TUBGCP6: variants seen among roughly 807,000 people sequenced by gnomAD.
TUBGCP6 encodes the protein tubulin gamma complex component 6.
In TUBGCP6, 161 loss-of-function variants were observed where a neutral mutation model predicts 175.8. The ratio of observed to expected loss-of-function variants is 0.92; its 90% CI spans 0.81 to 1.04. The LOEUF (loss-of-function observed/expected upper bound fraction) is 1.04. Among genes scored for constraint, TUBGCP6 ranks in the 50% least tolerant of loss-of-function variants. TUBGCP6 has a pLI of 0.00. For synonymous variants in TUBGCP6, 1,173 were observed against 1,030.5 expected (o/e 1.14, Z -2.65); for missense variants, 2,572 against 2,433.0 (o/e 1.06, Z -1.20).
At chr22:50,229,372 GGT>G (rs992397278) in intron 4 of TUBGCP6, 30 bp downstream of exon 4, 3 of 1,606,136 alleles carry the variant, frequency 1.9e-6, no homozygotes, top group East Asian at 2.2e-5. Flanking sequence ...TTCTCACAAA[GGT>G]GTGTGACAAC....
intron 2 of TUBGCP6, among the ~76,000 whole-genome samples, chr22:50,234,507 G>GTCCACAGCAGCATCCACACCCAGT (rs2064740353): frequency 8.7e-6 from 1 of 114,822 alleles, no homozygotes; most frequent in Non-Finnish European, 1.7e-5. Context: ...CCACACCCCT[G>GTCCACAGCAGCATCCACACCCAGT]TCCACAGCAG....
Position 50,244,223 on chromosome 22 carries a change from C to T in TUBGCP6, c.237G>A (p.Val79=), listed in dbSNP as rs779932074. Residue 79 remains valine (V), a synonymous_variant, in exon 1 of 25, where the codon GTG becomes GTA. Transcript: ENST00000248846. ...GGTCGGCCTTGGGGCCCAGGCCACC[C>T]ACTCTCAAGTCAAAGGACAACATGA... is the stretch of plus-strand genomic sequence containing the variant. ...KILMLSFDLR[V]GGLGPKADRL... is the part of the protein sequence containing the mutation. 4 of 1,613,300 alleles carry T rather than the reference C, an allele frequency of 2.5e-6. No individual in the cohort carries two copies. The highest frequency in any genetic ancestry group is 3.4e-6 in the Non-Finnish European group (4 of 1,180,046).
In TUBGCP6 at chr22:50,219,796, C is replaced by A. The variant is rs769874492; in HGVS notation, c.4168-5G>T. 6.2e-7 allele frequency: 1 copy of A among 1,612,022 alleles called. No individual in the cohort carries two copies. The highest frequency in any genetic ancestry group is 1.1e-5 in the South Asian group (1 of 91,038). On this transcript the variant is annotated splice_polypyrimidine_tract_variant and splice_region_variant and intron_variant, in intron 17 of 24. Coordinates refer to ENST00000248846, the MANE Select transcript of TUBGCP6 (RefSeq NM_020461.4). ...GCTCTGGGCAGCTGTGTCTTCCTAACAAAACACCAGCCTCAGAACCACCTC... is the reference window on the plus strand; with the variant it reads ...GCTCTGGGCAGCTGTGTCTTCCTAAAAAAACACCAGCCTCAGAACCACCTC...
At chr22:50,230,671 G>A (rs2064675936) in intron 3 of TUBGCP6, among the ~76,000 whole-genome samples, 1 of 151,008 alleles carries the variant, frequency 6.6e-6, no homozygotes, top group African/African-American at 2.4e-5. Context: ...CCAGCTACTC[G>A]GGAGGCTGAG....
Position 50,244,723 on chromosome 22 carries a change from A to G in TUBGCP6, c.-264T>C. On this transcript the variant is annotated 5_prime_UTR_variant, in exon 1 of 25. Coordinates refer to ENST00000248846, the MANE Select transcript of TUBGCP6 (RefSeq NM_020461.4). ...AGAAGCCAGCTCGGCGTTTCTTCTA[A>G]TTCAGTAGCCCTCAACCTTTAGGGA... 2.0e-6 allele frequency: 1 copy of G among 510,380 alleles called. No individual in the cohort carries two copies. Among genetic ancestry groups the G allele is most frequent in the South Asian group, 2.5e-5 (1 of 39,870 alleles). 31.6% of individuals were successfully genotyped at this position (510,380 alleles called of 1,614,324 possible).
At chr22:50,229,379 G>T in intron 4 of TUBGCP6, 25 bp downstream of exon 4, 1 of 1,608,648 alleles carries the variant, frequency 6.2e-7, no homozygotes, top group South Asian at 1.1e-5. Flanking sequence ...AAAGGTGTGT[G>T]ACAACCATGA....
In TUBGCP6 at chr22:50,221,266, C is replaced by T; in HGVS notation, c.3093G>A (p.Gly1031=). 1.2e-6 allele frequency: 2 copies of T among 1,614,060 alleles called. No homozygotes were observed. The highest frequency in any genetic ancestry group is 1.7e-6 in the Non-Finnish European group (2 of 1,180,044). ...PTERLFGQVS[G]GGLPTGDYAS... ...CGTAGTCCCCTGTGGGAAGACCACCCCCTGACACCTGCCCAAAGAGCCGCT... is the reference window on the plus strand; with the variant it reads ...CGTAGTCCCCTGTGGGAAGACCACCTCCTGACACCTGCCCAAAGAGCCGCT... Residue 1031 remains glycine, a synonymous_variant, in exon 16 of 25, where the codon GGG becomes GGA. Transcript: ENST00000248846.
At chr22:50,218,467 C>T (rs769471455) in intron 22 of TUBGCP6, 21 bp downstream of exon 22, 19 of 1,612,992 alleles carry the variant, frequency 1.2e-5, no homozygotes, top group Admixed American at 1.2e-4. Context: ...TGCGGGGCGC[C>T]GGGCTCCAGC....
At chr22:50,241,439 C>T (rs1265601878) in intron 1 of TUBGCP6, among the ~76,000 whole-genome samples, 1 of 152,110 alleles carries the variant, frequency 6.6e-6, no homozygotes, top group Non-Finnish European at 1.5e-5. Context: ...TTAGAGAAGA[C>T]TCTGCTCCAC....
At chr22:50,222,347 C>T in intron 14 of TUBGCP6, 107 bp downstream of exon 14, 1 of 1,516,370 alleles carries the variant, frequency 6.6e-7, no homozygotes, top group Non-Finnish European at 8.9e-7. Flanking sequence ...AACGCGAAAG[C>T]CACCAGCCCT....
intron 16 of TUBGCP6, 38 bp from the exon 17 acceptor site, chr22:50,220,053 G>C (rs569088837): frequency 7.5e-6 from 12 of 1,607,094 alleles, no homozygotes; most frequent in African/African-American, 1.3e-5. Flanking sequence ...CATCAGGGCC[G>C]AGTGCCTGTG....
At chr22:50,222,726 G>A in intron 13 of TUBGCP6, 134 bp from the exon 14 acceptor site, 2 of 1,302,086 alleles carry the variant, frequency 1.5e-6, no homozygotes, top group Non-Finnish European at 2.1e-6. Flanking sequence ...CCTACCAGGG[G>A]CTGATAGCTC....
rs777039746 is a variant in TUBGCP6 at position 50,220,406 on chromosome 22, CCACAGTCCAG to C, written c.3943_3952del (p.Leu1315GlyfsTer6). 1 of 1,583,868 alleles carries C rather than the reference CCACAGTCCAG, an allele frequency of 6.3e-7. No individual in the cohort carries two copies. Among genetic ancestry groups the C allele is most frequent in the Non-Finnish European group, 8.6e-7 (1 of 1,161,288 alleles). On this transcript the variant is annotated frameshift_variant, in exon 16 of 25. Coordinates refer to ENST00000248846, the MANE Select transcript of TUBGCP6 (RefSeq NM_020461.4). LOFTEE classifies it high-confidence loss of function. ...CCCCACTTCTACAGGCAGCCGTGGC[CCACAGTCCAG>C]CACAGTGCTCTGTGCTCCCAGGCTG...
chr22:50,228,943 TG>T (rs1213401299), intron 4 of TUBGCP6, among the ~76,000 whole-genome samples: 3 of 152,126 alleles, frequency 2.0e-5, no homozygotes, highest in Non-Finnish European at 4.4e-5. Context: ...CCCTGTCCCA[TG>T]GGCCTCTTCC....
In TUBGCP6 at chr22:50,219,291, G is replaced by C; in HGVS notation, c.4481C>G (p.Ala1494Gly). The C allele has an allele frequency of 6.2e-7, 1 of 1,604,104 alleles. No individual in the cohort carries two copies. The highest frequency in any genetic ancestry group is 8.5e-7 in the Non-Finnish European group (1 of 1,176,586). ...MKRSITAPLA[A>G]HISLVNKAAV... Reference sequence around the variant, plus strand: ...GCGCAGGGGCAGGGGCACTCACTGGGCGGCCAGCGGTGCCGTGATGGAGCG... The same window carrying C: ...GCGCAGGGGCAGGGGCACTCACTGGCCGGCCAGCGGTGCCGTGATGGAGCG... The change falls in exon 19 of 25, where the codon GCC (alanine) becomes GGC (glycine). Residue 1494 changes from alanine to glycine, a missense_variant. Transcript: ENST00000248846.
intron 10 of TUBGCP6, among the ~76,000 whole-genome samples, chr22:50,225,487 G>A (rs2064591784): frequency 2.0e-5 from 3 of 152,262 alleles, no homozygotes; most frequent in South Asian, 4.1e-4. Flanking sequence ...TCCCACGCCA[G>A]CAAAGCCTGG....
Position 50,233,375 on chromosome 22 carries a change from C to G in TUBGCP6, c.1057G>C (p.Val353Leu). The G allele has an allele frequency of 6.2e-7, 1 of 1,614,060 alleles. No individual in the cohort carries two copies. Among genetic ancestry groups the G allele is most frequent in the South Asian group, 1.1e-5 (1 of 91,076 alleles). ...QPVLVKECEL[V>L]KDVLNVLIGV... is the part of the protein sequence containing the mutation. ...ATCAAGACGTTCAGCACGTCTTTCA[C>G]CAGCTCGCACTCCTTCACCAGCACG... Residue 353 changes from valine to leucine, a missense_variant, in exon 3 of 25, where the codon GTG becomes CTG. Physicochemically the swap from Val to Leu is conservative, Grantham distance 32. Transcript: ENST00000248846.
rs1373711628 is a variant in TUBGCP6 at position 50,220,027 on chromosome 22, C to G, written c.4109-12G>C. Reference sequence around the variant, plus strand: ...GCTCCTCCCAGGGCCTGTGTGGACACAAGTGGACACGAGGGCATCAGGGCC... The same window carrying G: ...GCTCCTCCCAGGGCCTGTGTGGACAGAAGTGGACACGAGGGCATCAGGGCC... On this transcript the variant is annotated splice_polypyrimidine_tract_variant and intron_variant, in intron 16 of 24. Transcript: ENST00000248846. 6.2e-7 allele frequency: 1 copy of G among 1,612,786 alleles called. No homozygotes were observed. The highest frequency in any genetic ancestry group is 1.7e-5 in the Admixed American group (1 of 59,932).
At position 50,218,824 on chromosome 22, in the gene TUBGCP6, T is replaced by G. The variant is rs149368919; in HGVS notation, c.4700A>C (p.Gln1567Pro). Residue 1567 changes from glutamine (Q) to proline (P), a missense_variant, in exon 21 of 25, where the codon CAG (glutamine) becomes CCG (proline). Gln to Pro is a moderately conservative substitution (Grantham distance 76). Coordinates refer to ENST00000248846, the MANE Select transcript of TUBGCP6 (RefSeq NM_020461.4). ...CGGGGTGTCCCCATGCAGGCTGCACTGCAGGGCCTTGCTCAGCACAGAGTT... is the reference window on the plus strand; with the variant it reads ...CGGGGTGTCCCCATGCAGGCTGCACGGCAGGGCCTTGCTCAGCACAGAGTT... Reference protein sequence around the residue: ...VLNSVLSKALQCSLHGDTPHA... With the variant: ...VLNSVLSKALPCSLHGDTPHA... The G allele has an allele frequency of 6.2e-7, 1 of 1,614,120 alleles. No individual in the cohort carries two copies. The highest frequency in any genetic ancestry group is 8.5e-7 in the Non-Finnish European group (1 of 1,180,010).
Sources: allele counts gnomAD v4.1 joint callset (sites outside exome capture counted in the v4.1 genomes callset), GRCh38; gene constraint gnomAD v4.1.1; transcripts MANE v1.5; gene names NCBI Gene and HGNC (gene_info 2026-07-23, HGNC 2026-07-21).